MYRIP: variants seen among roughly 807,000 people sequenced by gnomAD.
MYRIP encodes myosin VIIA and Rab interacting protein.
In MYRIP, 49 loss-of-function variants were observed where a neutral mutation model predicts 98.0. The observed-to-expected ratio is 0.50, with a 90% CI of 0.40 to 0.63. MYRIP has a LOEUF of 0.63. Among genes scored for constraint, MYRIP ranks in the 30% least tolerant of loss-of-function variants. The probability of loss-of-function intolerance (pLI) is 0.00; values close to 1 mark genes in which losing one functional copy is unlikely to be tolerated. For synonymous variants in MYRIP, 404 were observed against 409.5 expected, an observed-to-expected ratio of 0.99 and a Z score of 0.16; for missense variants, 1,004 against 1,058.2, an observed-to-expected ratio of 0.95 and a Z score of 0.71.
chr3:40,012,891 C>CAT (rs1228772562), intron 2 of MYRIP, among the ~76,000 whole-genome samples: 1 of 152,102 alleles, frequency 6.6e-6, no homozygotes, highest in Non-Finnish European at 1.5e-5. Flanking sequence ...CATGCGTCTA[C>CAT]ATATATACAC....
At chr3:39,897,316 A>C (rs1428249441) in intron 1 of MYRIP, among the ~76,000 whole-genome samples, 2 of 152,244 alleles carry the variant, frequency 1.3e-5, no homozygotes, top group Non-Finnish European at 2.9e-5. Context: ...AAGGCAATAC[A>C]ATTAGAAGCA....
intron 2 of MYRIP, among the ~76,000 whole-genome samples, chr3:39,986,655 G>A (rs1429165958): frequency 6.6e-6 from 1 of 152,156 alleles, no homozygotes; most frequent in Non-Finnish European, 1.5e-5. Context: ...GGCTCTGAGT[G>A]TTGATCCCTG....
At position 40,017,117 on chromosome 3, in the gene MYRIP, C is replaced by T. The variant is rs189897962; in HGVS notation, c.111-26933C>T. 3.9e-5 allele frequency among the ~76,000 whole-genome samples: 6 copies of T among 152,340 alleles called. No homozygotes were observed. The East Asian group carries it at 1.2e-3, about 29-fold the overall frequency. ...CTTAACAAAATATTGGATACCTATA[C>T]ATGGAATATAACATTTTAAAATTTG... On this transcript the variant is annotated intron_variant, in intron 2 of 16. Transcript: ENST00000302541.
chr3:39,821,509 G>GT (rs201779924), intron 1 of MYRIP, among the ~76,000 whole-genome samples: 5 of 150,398 alleles, frequency 3.3e-5, no homozygotes, highest in African/African-American at 1.2e-4. Flanking sequence ...ATTTCTTTGG[G>GT]TTTTTTTTCT....
rs1950517706 is a variant in MYRIP, at chr3:40,167,173, G to A, written c.663G>A (p.Glu221=). 52 of 1,614,032 alleles carry A rather than the reference G, an allele frequency of 3.2e-5. No homozygotes were observed. Among genetic ancestry groups the A allele is most frequent in the Non-Finnish European group, 4.4e-5 (52 of 1,180,038 alleles). ...AYGDSLDKQN[E]ASYLRDHKEE... ...TCCCTCCTCAGGACAAGCAAAATGA[G>A]GCCAGTTACCTGCGGGACCACAAGG... The change falls in exon 7 of 17, where the codon GAG becomes GAA. Residue 221 remains glutamate (E), a synonymous_variant. Coordinates refer to ENST00000302541, the MANE Select transcript of MYRIP (RefSeq NM_015460.4).
intron 1 of MYRIP, among the ~76,000 whole-genome samples, chr3:39,877,656 G>T (rs574714856): frequency 1.3e-5 from 2 of 152,168 alleles, no homozygotes; most frequent in Admixed American, 6.5e-5. Context: ...GCAGAACAGC[G>T]GATTTTCATG....
At position 40,234,023 on chromosome 3, in the gene MYRIP, G is replaced by A; in HGVS notation, c.2070G>A (p.Leu690=). The change falls in exon 12 of 17, where the codon CTG becomes CTA. Residue 690 remains leucine, a synonymous_variant. Coordinates refer to ENST00000302541, the MANE Select transcript of MYRIP (RefSeq NM_015460.4). ...CTCGTGGGACAGACCAAGTGAGACT[G>A]GATGAGCAGCTGACTTCCCTGGAAG... ...MFPRGTDQVR[L]DEQLTSLEEN... is the part of the protein sequence containing the mutation. The A allele has an allele frequency of 1.2e-6, 2 of 1,607,694 alleles. No homozygotes were observed. The highest frequency in any genetic ancestry group is 1.7e-6 in the Non-Finnish European group (2 of 1,178,236).
chr3:40,086,286 A>T (rs1948624739), intron 3 of MYRIP, among the ~76,000 whole-genome samples: 1 of 152,252 alleles, frequency 6.6e-6, no homozygotes, highest in South Asian at 2.1e-4. Flanking sequence ...CTCTCAAACC[A>T]GGGTGTTCCA....
In MYRIP at chr3:40,145,367, A is replaced by G. The variant is rs571900148; in HGVS notation, c.333-5681A>G. Among the ~76,000 whole-genome samples, 13 of 152,306 alleles carry G rather than the reference A, an allele frequency of 8.5e-5. No homozygotes were observed. The East Asian group carries it at 2.5e-3, about 29-fold the overall frequency. On this transcript the variant is annotated intron_variant, in intron 3 of 16. Transcript: ENST00000302541. The stretch of plus-strand genomic sequence containing the variant: ...GATGAAGTTTTATGGGAAAGAAATT[A>G]TACATTCGGTATATTGTGTTTGATA...
chr3:39,861,044 C>T lies in MYRIP; in HGVS notation c.-30-39743C>T, dbSNP rs75464911. Among the ~76,000 whole-genome samples the T allele has an allele frequency of 3.2e-4, 48 of 152,368 alleles. No homozygotes were observed. In the East Asian group the frequency reaches 8.1e-3, roughly 26 times the overall value. On this transcript the variant is annotated intron_variant, in intron 1 of 16. Transcript: ENST00000302541. ...CTGGCACATGTGAATGAGCACAGGT[C>T]CCACTGCAACCCACTAGTGGAGCGC... is the stretch of plus-strand genomic sequence containing the variant.
chr3:40,187,378 T>C (rs1166073825), intron 9 of MYRIP, among the ~76,000 whole-genome samples: 1 of 152,182 alleles, frequency 6.6e-6, no homozygotes, highest in African/African-American at 2.4e-5. Flanking sequence ...TCCAAAGCTC[T>C]TGTTCTTTGC....
intron 10 of MYRIP, among the ~76,000 whole-genome samples, chr3:40,203,575 A>C (rs112880170): frequency 1.3e-5 from 2 of 149,048 alleles, no homozygotes; most frequent in South Asian, 2.1e-4. Flanking sequence ...ATATTGGCTT[A>C]TCTTAGGAGT....
At chr3:40,236,998 AGT>A (rs1952844110) in intron 12 of MYRIP, among the ~76,000 whole-genome samples, 1 of 152,138 alleles carries the variant, frequency 6.6e-6, no homozygotes, top group South Asian at 2.1e-4. Context: ...TTTTGATAAA[AGT>A]TAAAACAACA....
intron 1 of MYRIP, among the ~76,000 whole-genome samples, chr3:39,862,296 T>G (rs770346418): frequency 6.6e-6 from 1 of 152,134 alleles, no homozygotes; most frequent in Admixed American, 6.5e-5. Context: ...TTAAGAGAAT[T>G]TATTACCATC....
Position 39,900,832 on chromosome 3 carries a change from G to C in MYRIP, c.16G>C (p.Asp6His). The stretch of plus-strand genomic sequence containing the variant: ...TTGAGTAACCATGGGGAGGAAGCTG[G>C]ACCTGTCTGGTTTGACTGATGATGA... MGRKLDLSGLTDDETE... is the reference protein window; with the variant it reads MGRKLHLSGLTDDETE... The change falls in exon 2 of 17, where the codon GAC (aspartate) becomes CAC (histidine). Residue 6 changes from aspartate to histidine, a missense_variant. By Grantham distance (81) the Asp-to-His change is moderately conservative. Around this residue, in one of 3 missense-constraint regions of MYRIP, gnomAD observed 880 missense variants for 907.7 expected, o/e 0.97. Coordinates refer to ENST00000302541, the MANE Select transcript of MYRIP (RefSeq NM_015460.4). 6.2e-7 allele frequency: 1 copy of C among 1,613,756 alleles called. No individual in the cohort carries two copies. Among genetic ancestry groups the C allele is most frequent in the Non-Finnish European group, 8.5e-7 (1 of 1,179,932 alleles).
chr3:40,182,166 C>T, intron 8 of MYRIP, 54 bp from the exon 9 acceptor site: 1 of 1,487,680 alleles, frequency 6.7e-7, no homozygotes, highest in African/African-American at 1.4e-5. Context: ...GAAGGCACAC[C>T]TCCCAGGCAC....
rs866591262 is a variant in MYRIP, at chr3:40,156,354, T to C, written c.469+5170T>C. Among the ~76,000 whole-genome samples the C allele has an allele frequency of 8.0e-3, 1,212 of 152,204 alleles. 15 individuals are homozygous for C. Among genetic ancestry groups the C allele is most frequent in the African/African-American group, 0.021 (867 of 41,514 alleles). On this transcript the variant is annotated intron_variant, in intron 4 of 16. Coordinates refer to ENST00000302541, the MANE Select transcript of MYRIP (RefSeq NM_015460.4). ...TCTGTTCTGTTCCATTGATCTATAT[T>C]TCTGTTTTGGTACCAGTACCATGCT... is the stretch of plus-strand genomic sequence containing the variant.
chr3:39,999,230 A>C (rs1364531004), intron 2 of MYRIP, among the ~76,000 whole-genome samples: 1 of 152,248 alleles, frequency 6.6e-6, no homozygotes, highest in African/African-American at 2.4e-5. Context: ...CTACCATCAG[A>C]GTGAACAGGC....
intron 1 of MYRIP, among the ~76,000 whole-genome samples, chr3:39,861,775 T>G (rs1942474215): frequency 6.6e-6 from 1 of 151,770 alleles, no homozygotes; most frequent in African/African-American, 2.4e-5. Flanking sequence ...TCTGAAATAA[T>G]TCAGAGAAAA....
Sources: gnomAD v4.1 joint callset for allele counts (sites outside exome capture counted in the v4.1 genomes callset) on GRCh38, gnomAD v4.1.1 for gene constraint, gnomAD v4.1.1 regional missense constraint, MANE v1.5 for transcripts, NCBI Gene and HGNC (gene_info 2026-07-23, HGNC 2026-07-21) for gene names.